RBFOX1: variants seen among roughly 807,000 people sequenced by gnomAD.
RBFOX1 encodes RNA binding fox-1 homolog 1, also known as RNA binding protein fox-1 homolog 1.
RBFOX1 carries 8 observed loss-of-function variants against 57.7 expected under a neutral mutation model. The ratio of observed to expected loss-of-function variants is 0.14; its 90% CI spans 0.08 to 0.25. The LOEUF is 0.25. RBFOX1 is among the 10% of genes least tolerant of loss of function. The pLI is 1.00. For synonymous variants in RBFOX1, 326 were observed against 222.4 expected, an observed-to-expected ratio of 1.47 and a Z score of -4.15; for missense variants, 611 against 548.5, an observed-to-expected ratio of 1.11 and a Z score of -1.14.
intron 3 of RBFOX1, among the ~76,000 whole-genome samples, chr16:6,962,786 G>GC (rs1489317168): frequency 2.6e-5 from 4 of 152,086 alleles, no homozygotes; most frequent in Non-Finnish European, 5.9e-5. Flanking sequence ...GATCACTTGA[G>GC]CCCAGGAGAT....
chr16:5,826,138 T>TTAATATGAATAA (rs2056042838), intron 3 of RBFOX1, among the ~76,000 whole-genome samples: 1 of 148,428 alleles, frequency 6.7e-6, no homozygotes, highest in Non-Finnish European at 1.5e-5. Flanking sequence ...ATATTATTCC[T>TTAATATGAATAA]TATATATATT....
intron 2 of RBFOX1, among the ~76,000 whole-genome samples, chr16:6,333,609 A>G (rs1476803123): frequency 1.3e-5 from 2 of 152,172 alleles, no homozygotes; most frequent in Admixed American, 6.5e-5. Flanking sequence ...TACACCTCTG[A>G]AAAACTCTTA....
chr16:7,533,672 C>A (rs932674995), intron 5 of RBFOX1, among the ~76,000 whole-genome samples: 1 of 152,130 alleles, frequency 6.6e-6, no homozygotes, highest in Non-Finnish European at 1.5e-5. Flanking sequence ...TTATTATGTA[C>A]TGTACTGAAA....
intron 4 of RBFOX1, among the ~76,000 whole-genome samples, chr16:7,285,906 A>G (rs903459947): frequency 7.9e-5 from 12 of 152,246 alleles, no homozygotes; most frequent in African/African-American, 2.7e-4. Context: ...CTCAAGAAAG[A>G]ACATGCTGGG....
At chr16:6,719,435 A>C (rs2154160391) in intron 3 of RBFOX1, among the ~76,000 whole-genome samples, 1 of 145,342 alleles carries the variant, frequency 6.9e-6, no homozygotes, top group South Asian at 2.2e-4. Flanking sequence ...CCTCATCTTC[A>C]AAATAACCTG....
At chr16:7,402,557 C>T (rs902942475) in intron 4 of RBFOX1, among the ~76,000 whole-genome samples, 4 of 152,148 alleles carry the variant, frequency 2.6e-5, no homozygotes, top group Non-Finnish European at 5.9e-5. Context: ...AGTATGTGAA[C>T]TTTGGTAGTG....
intron 2 of RBFOX1, chr16:5,467,329 G>GTCACAGCCCTGCAACT: frequency 7.2e-7 from 1 of 1,383,934 alleles, no homozygotes. Context: ...AAAATCTTGC[G>GTCACAGCCCTGCAACT]TCACAGCCCT....
At chr16:5,817,699 ATT>A (rs36037789) in intron 3 of RBFOX1, among the ~76,000 whole-genome samples, 94 of 141,304 alleles carry the variant, frequency 6.7e-4, no homozygotes, top group Admixed American at 8.4e-4. Flanking sequence ...TGTGGGCTGT[ATT>A]TTTTTTTTTT....
chr16:6,540,427 C>G (rs574012291), intron 2 of RBFOX1, among the ~76,000 whole-genome samples: 1 of 151,632 alleles, frequency 6.6e-6, no homozygotes, highest in East Asian at 1.9e-4. Context: ...TCCTGGCCAA[C>G]ATGGTAAAAC....
At position 7,338,481 on chromosome 16, in the gene RBFOX1, G is replaced by A. The variant is rs142094535; in HGVS notation, c.28-179666G>A. Among the ~76,000 whole-genome samples the A allele has an allele frequency of 5.2e-3, 795 of 152,130 alleles. 6 individuals are homozygous for A. The highest frequency in any genetic ancestry group is 5.5e-3 in the Non-Finnish European group (377 of 67,998). On this transcript the variant is annotated intron_variant, in intron 4 of 15. Coordinates refer to ENST00000550418, the MANE Select transcript of RBFOX1 (RefSeq NM_018723.4). ...TGCAATCATAGCTCACTGTAGCCTCGAACTCCTGGTCTCAAGTAATCCTCA... is the reference window on the plus strand; with the variant it reads ...TGCAATCATAGCTCACTGTAGCCTCAAACTCCTGGTCTCAAGTAATCCTCA...
chr16:5,396,285 A>G (rs1265203548), intron 1 of RBFOX1, among the ~76,000 whole-genome samples: 1 of 152,188 alleles, frequency 6.6e-6, no homozygotes, highest in Admixed American at 6.5e-5. Flanking sequence ...ATATCCCTAC[A>G]TCTCCCTAGA....
At chr16:7,359,549 A>G (rs1028469046) in intron 4 of RBFOX1, among the ~76,000 whole-genome samples, 4 of 152,198 alleles carry the variant, frequency 2.6e-5, no homozygotes, top group Non-Finnish European at 4.4e-5. Context: ...TTGTGTGTGA[A>G]TCATCTGAAG....
intron 3 of RBFOX1, among the ~76,000 whole-genome samples, chr16:6,914,909 G>A (rs77484565): frequency 2.0e-5 from 3 of 152,180 alleles, no homozygotes; most frequent in African/African-American, 7.2e-5. Context: ...AGATGGATAG[G>A]TTTGAGACAG....
chr16:7,499,239 A>C (rs1288554485), intron 4 of RBFOX1, among the ~76,000 whole-genome samples: 1 of 152,156 alleles, frequency 6.6e-6, no homozygotes, highest in Non-Finnish European at 1.5e-5. Flanking sequence ...GTTTACTGAC[A>C]ATCTTTGGCA....
intron 4 of RBFOX1, among the ~76,000 whole-genome samples, chr16:5,960,058 G>C (rs976621800): frequency 6.6e-6 from 1 of 151,986 alleles, no homozygotes; most frequent in African/African-American, 2.4e-5. Flanking sequence ...AAAATTAGCC[G>C]GGCATGGTGA....
At chr16:7,629,480 C>G (rs1482426290) in intron 10 of RBFOX1, among the ~76,000 whole-genome samples, 1 of 152,088 alleles carries the variant, frequency 6.6e-6, no homozygotes, top group Non-Finnish European at 1.5e-5. Context: ...CAGGGGAATC[C>G]AAATCAAACT....
chr16:7,089,491 G>A (rs2151077562), intron 4 of RBFOX1, among the ~76,000 whole-genome samples: 1 of 152,106 alleles, frequency 6.6e-6, no homozygotes, highest in Middle Eastern at 3.4e-3. Context: ...AGCCTTTTTG[G>A]CTTTTATTTT....
At chr16:7,278,014 C>T (rs2095473392) in intron 4 of RBFOX1, among the ~76,000 whole-genome samples, 1 of 151,406 alleles carries the variant, frequency 6.6e-6, no homozygotes, top group Non-Finnish European at 1.5e-5. Flanking sequence ...TCTGTCAGTT[C>T]CTTATTGGTG....
At chr16:6,785,821 T>C (rs1257477682) in intron 3 of RBFOX1, among the ~76,000 whole-genome samples, 1 of 152,134 alleles carries the variant, frequency 6.6e-6, no homozygotes, top group African/African-American at 2.4e-5. Context: ...GAACTTACTT[T>C]AGAATACAGA....
Sources: allele counts gnomAD v4.1 joint callset (sites outside exome capture counted in the v4.1 genomes callset), GRCh38; gene constraint gnomAD v4.1.1; transcripts MANE v1.5; gene names NCBI Gene and HGNC (gene_info 2026-07-23, HGNC 2026-07-21).